NUP93: variants seen among roughly 807,000 people sequenced by gnomAD.
NUP93 encodes the protein nucleoporin 93.
In NUP93, 55 loss-of-function variants were observed where a neutral mutation model predicts 107.8. The ratio of observed to expected loss-of-function variants is 0.51; its 90% CI spans 0.41 to 0.64. NUP93 has a LOEUF of 0.64. Among genes scored for constraint, NUP93 ranks in the 30% least tolerant of loss-of-function variants. The probability of loss-of-function intolerance (pLI) is 0.00; values close to 1 mark genes in which losing one functional copy is unlikely to be tolerated. For synonymous variants in NUP93, 390 were observed against 397.5 expected (o/e 0.98, Z 0.22); for missense variants, 937 against 1,044.7 (o/e 0.90, Z 1.42).
intron 8 of NUP93, among the ~76,000 whole-genome samples, chr16:56,826,883 TA>T (rs1963673442): frequency 6.6e-6 from 1 of 151,432 alleles, no homozygotes; most frequent in Non-Finnish European, 1.5e-5. Flanking sequence ...CCTTCTCTAC[TA>T]AAAATACAAA....
At chr16:56,816,999 T>A (rs1238125832) in intron 5 of NUP93, among the ~76,000 whole-genome samples, 1 of 152,114 alleles carries the variant, frequency 6.6e-6, no homozygotes, top group African/African-American at 2.4e-5. Flanking sequence ...TGCATCAACC[T>A]AATAACTCGA....
At chr16:56,832,197 C>A in intron 11 of NUP93, 98 bp from the exon 12 acceptor site, 1 of 1,267,322 alleles carries the variant, frequency 7.9e-7, no homozygotes, top group Non-Finnish European at 1.2e-6. Flanking sequence ...CAGCTTCTAG[C>A]TGACATCATT....
At chr16:56,840,222 G>A (rs539444028) in intron 20 of NUP93, among the ~76,000 whole-genome samples, 15 of 152,238 alleles carry the variant, frequency 9.9e-5, no homozygotes, top group South Asian at 4.1e-4. Context: ...GGGTTTCACC[G>A]TGTTAGCCAG....
intron 3 of NUP93, among the ~76,000 whole-genome samples, chr16:56,771,158 G>T (rs1962315287): frequency 6.6e-6 from 1 of 152,158 alleles, no homozygotes; most frequent in Non-Finnish European, 1.5e-5. Flanking sequence ...GAAGTAATAG[G>T]CCTGGAACTT....
At position 56,808,151 on chromosome 16, in the gene NUP93, T is replaced by TAA. The variant is rs1567398252; in HGVS notation, c.489+2520_489+2521insAA. Among the ~76,000 whole-genome samples the TAA allele has an allele frequency of 3.3e-3, 367 of 112,700 alleles. 29 individuals are homozygous for TAA. The highest frequency in any genetic ancestry group is 0.012 in the African/African-American group (346 of 28,394). 73.9% of individuals were successfully genotyped at this position (112,700 alleles called of 152,430 possible). On this transcript the variant is annotated intron_variant, in intron 5 of 21. Transcript: ENST00000308159. ...ATATAAATATATTTATATAACTATA[T>TAA]ATAATATATAGTTATATAACTATAT...
rs753969373 is a variant in NUP93, at chr16:56,841,850, C to T, written c.2349+17C>T. 3 of 1,613,332 alleles carry T rather than the reference C, an allele frequency of 1.9e-6. No homozygotes were observed. The highest frequency in any genetic ancestry group is 1.7e-6 in the Non-Finnish European group (2 of 1,179,626). On this transcript the variant is annotated intron_variant, in intron 21 of 21. Transcript: ENST00000308159. The stretch of plus-strand genomic sequence containing the variant: ...CGCGACTCTGTAAGATCCCAGCATT[C>T]GCGAGAAACATTGCTAAGCACCACC...
At chr16:56,749,101 T>G (rs1228719457) in intron 2 of NUP93, among the ~76,000 whole-genome samples, 1 of 152,168 alleles carries the variant, frequency 6.6e-6, no homozygotes, top group Non-Finnish European at 1.5e-5. Context: ...GTGTTTAAGG[T>G]CCACGCTGTG....
intron 5 of NUP93, among the ~76,000 whole-genome samples, chr16:56,808,200 A>T (rs1333708167): frequency 2.4e-5 from 3 of 123,784 alleles, no homozygotes; most frequent in Non-Finnish European, 4.8e-5. Context: ...ATATAACTAT[A>T]TAAAATATAT....
At position 56,847,623 on chromosome 16, in the gene NUP93, CTTCTT is replaced by C. The variant is rs1233228387; in HGVS notation, c.*3017_*3021del. 6.6e-6 allele frequency: 1 copy of C among 152,180 alleles called. No homozygotes were observed. Among genetic ancestry groups the C allele is most frequent in the African/African-American group, 2.4e-5 (1 of 41,452 alleles). 9.4% of individuals were successfully genotyped at this position (152,180 alleles called of 1,614,324 possible). A position where few individuals can be genotyped will look rare whatever the true frequency, so the allele number is the denominator to read the frequency against. ...CTGGAGATTTAATTTCACAGATTCT[CTTCTT>C]TTGGCTCAACAACAACAGCAACAAA... On this transcript the variant is annotated 3_prime_UTR_variant, in exon 22 of 22. Transcript: ENST00000308159.
At chr16:56,841,662 A>C in intron 20 of NUP93, 43 bp from the exon 21 acceptor site, 1 of 1,606,152 alleles carries the variant, frequency 6.2e-7, no homozygotes, top group African/African-American at 1.3e-5. Context: ...TTGGCCCCAA[A>C]GGCTTGGTTC....
chr16:56,791,399 G>A (rs1257107132), intron 3 of NUP93, among the ~76,000 whole-genome samples: 1 of 152,202 alleles, frequency 6.6e-6, no homozygotes, highest in African/African-American at 2.4e-5. Context: ...ACCAATGTGA[G>A]CACTTTTTTG....
At chr16:56,833,870 C>T (rs1015085747) in intron 13 of NUP93, among the ~76,000 whole-genome samples, 2 of 152,230 alleles carry the variant, frequency 1.3e-5, no homozygotes, top group South Asian at 2.1e-4. Context: ...ATGCCATAAT[C>T]GTCAGTTGGA....
intron 3 of NUP93, among the ~76,000 whole-genome samples, chr16:56,784,034 G>T (rs1211681417): frequency 6.6e-6 from 1 of 152,074 alleles, no homozygotes; most frequent in East Asian, 1.9e-4. Flanking sequence ...CAAAAACCAG[G>T]TGTGATATAT....
intron 3 of NUP93, among the ~76,000 whole-genome samples, chr16:56,768,637 C>T (rs528490922): frequency 1.4e-4 from 21 of 150,946 alleles, no homozygotes; most frequent in East Asian, 9.8e-4. Flanking sequence ...GAGGCCAAGG[C>T]GGGCGGATCA....
Position 56,848,712 on chromosome 16 carries a change from C to T in NUP93, c.*4103C>T, listed in dbSNP as rs188184422. ...CTTTTTTGCCTTGTTACGCACATAA[C>T]TTGTGACTGGCTAGATAGGCCACGT... On this transcript the variant is annotated 3_prime_UTR_variant, in exon 22 of 22. Transcript: ENST00000308159. 1 of 152,344 alleles carries T rather than the reference C, an allele frequency of 6.6e-6. No homozygotes were observed. The highest frequency in any genetic ancestry group is 6.5e-5 in the Admixed American group (1 of 15,302). 9.4% of individuals were successfully genotyped at this position (152,344 alleles called of 1,614,324 possible).
chr16:56,816,840 A>G (rs1963443058), intron 5 of NUP93, among the ~76,000 whole-genome samples: 1 of 152,158 alleles, frequency 6.6e-6, no homozygotes, highest in Non-Finnish European at 1.5e-5. Flanking sequence ...GGAGAATTTA[A>G]ACCGCAGACA....
At chr16:56,734,165 GGTAAAACA>G (rs1295394638) in intron 1 of NUP93, among the ~76,000 whole-genome samples, 2 of 152,208 alleles carry the variant, frequency 1.3e-5, no homozygotes, top group Admixed American at 1.3e-4. Context: ...CTACCAACGA[GGTAAAACA>G]GAAATGTGGT....
intron 5 of NUP93, among the ~76,000 whole-genome samples, chr16:56,816,194 T>C (rs1963427039): frequency 6.6e-6 from 1 of 152,238 alleles, no homozygotes; most frequent in Non-Finnish European, 1.5e-5. Context: ...TTCATAGGGT[T>C]GTGGAGTTAA....
In NUP93 at chr16:56,837,652, T is replaced by C. The variant is rs757584083; in HGVS notation, c.1944T>C (p.Pro648=). 2 of 1,614,200 alleles carry C rather than the reference T, an allele frequency of 1.2e-6. No homozygotes were observed. Among genetic ancestry groups the C allele is most frequent in the South Asian group, 2.2e-5 (2 of 91,088 alleles). ...AGCTGATGAACAAACTGCTGAGCCC[T>C]GTCGTCCCCCAGATCAGTGCCCCGC... The part of the protein sequence containing the change: ...VLELMNKLLS[P]VVPQISAPQS... The change falls in exon 18 of 22, where the codon CCT becomes CCC. Residue 648 remains proline (P), a synonymous_variant. Transcript: ENST00000308159.
Sources: allele counts gnomAD v4.1 joint callset (sites outside exome capture counted in the v4.1 genomes callset), GRCh38; gene constraint gnomAD v4.1.1; transcripts MANE v1.5; gene names NCBI Gene and HGNC (gene_info 2026-07-23, HGNC 2026-07-21).